ANKRD36C: variants seen among roughly 807,000 people sequenced by gnomAD.
The protein encoded by ANKRD36C is ankyrin repeat domain 36C.
ANKRD36C carries 61 observed loss-of-function variants against 276.4 expected under a neutral mutation model. The ratio of observed to expected loss-of-function variants is 0.22; its 90% CI spans 0.18 to 0.27. The LOEUF (loss-of-function observed/expected upper bound fraction) is 0.27, where lower values mean the gene tolerates loss of function less well. Ranked by LOEUF, ANKRD36C falls within the 10% of genes least tolerant of loss-of-function variation. The pLI is 1.00. For synonymous variants in ANKRD36C, 483 were observed against 680.1 expected (o/e 0.71, Z 4.51); for missense variants, 1,447 against 2,032.3 (o/e 0.71, Z 5.54).
At chr2:95,969,410 C>G (rs1345255887) in intron 6 of ANKRD36C, among the ~76,000 whole-genome samples, 2 of 152,126 alleles carry the variant, frequency 1.3e-5, no homozygotes, top group African/African-American at 2.4e-5. Flanking sequence ...CAACCATGGT[C>G]CATAAATAAA....
At chr2:95,875,347 G>A (rs1675918796) in intron 59 of ANKRD36C, among the ~76,000 whole-genome samples, 1 of 151,940 alleles carries the variant, frequency 6.6e-6, no homozygotes, top group Non-Finnish European at 1.5e-5. Flanking sequence ...ATACTATGCA[G>A]CCATAAAAAA....
intron 6 of ANKRD36C, among the ~76,000 whole-genome samples, chr2:95,971,066 C>T (rs1238249212): frequency 6.6e-6 from 1 of 152,054 alleles, no homozygotes; most frequent in Non-Finnish European, 1.5e-5. Context: ...ATTCAACTGT[C>T]TTGGAAATTA....
chr2:95,947,180 G>T (rs982031603), intron 17 of ANKRD36C, among the ~76,000 whole-genome samples: 1 of 151,930 alleles, frequency 6.6e-6, no homozygotes, highest in Non-Finnish European at 1.5e-5. Flanking sequence ...TAGAAAACAC[G>T]CTGTATCCAC....
chr2:95,968,937 G>A (rs1439419423), intron 6 of ANKRD36C, among the ~76,000 whole-genome samples: 3 of 152,102 alleles, frequency 2.0e-5, no homozygotes, highest in Non-Finnish European at 4.4e-5. Context: ...GCAAGATATG[G>A]GGGGAAAGTA....
chr2:95,855,386 A>G (rs534174202), exon 63 of ANKRD36C: 6 of 1,613,452 alleles, frequency 3.7e-6, no homozygotes, highest in Non-Finnish European at 5.1e-6. Context: ...ACTCAGCTTG[A>G]AGGTTTTCTA....
intron 6 of ANKRD36C, among the ~76,000 whole-genome samples, chr2:95,965,897 T>C (rs538499982): frequency 6.6e-6 from 1 of 152,134 alleles, no homozygotes; most frequent in African/African-American, 2.4e-5. Flanking sequence ...TATCTAGGAA[T>C]ATGCACATAT....
At chr2:95,975,061 C>T (rs1358837159) in intron 6 of ANKRD36C, among the ~76,000 whole-genome samples, 1 of 151,964 alleles carries the variant, frequency 6.6e-6, no homozygotes, top group South Asian at 2.1e-4. Flanking sequence ...CAGTGTTGGA[C>T]ATTTGGGTTG....
chr2:95,855,553 A>G, exon 63 of ANKRD36C: 2 of 1,611,200 alleles, frequency 1.2e-6, no homozygotes, highest in Admixed American at 1.7e-5. Context: ...ATTGTATTGT[A>G]TCCACTTTTG....
downstream of ANKRD36C, chr2:95,851,041 T>C: frequency 1.5e-6 from 1 of 671,688 alleles, no homozygotes; most frequent in Non-Finnish European, 2.7e-6. Flanking sequence ...ACTAGATGTG[T>C]GTAAGAAAAA....
In ANKRD36C at chr2:95,910,621, T is replaced by C. The variant is rs149564877; in HGVS notation, c.2653+1623A>G. The stretch of plus-strand genomic sequence containing the variant: ...CTCATATGTAAATATGACAAAGATA[T>C]CCATACATTCATGCAGCGTTAGCAT... On this transcript the variant is annotated intron_variant, in intron 42 of 66. Transcript: ENST00000456556. 5.4e-4 allele frequency: 868 copies of C among 1,600,652 alleles called. No individual in the cohort carries two copies. In the African/African-American group the frequency reaches 0.011, roughly 20 times the overall value.
At chr2:95,970,390 T>G (rs1419643002) in intron 6 of ANKRD36C, among the ~76,000 whole-genome samples, 1 of 152,180 alleles carries the variant, frequency 6.6e-6, no homozygotes, top group South Asian at 2.1e-4. Flanking sequence ...CCTTAAAAGC[T>G]TATCCAATCT....
chr2:95,878,846 C>T (rs1676011389), intron 58 of ANKRD36C, among the ~76,000 whole-genome samples: 1 of 152,056 alleles, frequency 6.6e-6, no homozygotes, highest in Non-Finnish European at 1.5e-5. Flanking sequence ...GCAGAACCCT[C>T]GTACACCATT....
At chr2:95,893,587 C>T (rs752119568) in intron 44 of ANKRD36C, 13 of 1,573,176 alleles carry the variant, frequency 8.3e-6, no homozygotes, top group Non-Finnish European at 1.1e-5. Flanking sequence ...AAAACAGAAT[C>T]TTCCTCGTCA....
At chr2:95,947,773 C>G (rs1186554947) in intron 17 of ANKRD36C, among the ~76,000 whole-genome samples, 2 of 152,064 alleles carry the variant, frequency 1.3e-5, no homozygotes, top group African/African-American at 2.4e-5. Context: ...ACAGTGTAAG[C>G]CCTCTCTACT....
intron 20 of ANKRD36C, among the ~76,000 whole-genome samples, chr2:95,939,602 G>T (rs1327349414): frequency 1.3e-5 from 2 of 151,874 alleles, no homozygotes; most frequent in African/African-American, 4.9e-5. Flanking sequence ...CTACTCAGGA[G>T]GCTGAGGCAG....
intron 28 of ANKRD36C, among the ~76,000 whole-genome samples, chr2:95,926,789 T>C (rs1677414064): frequency 6.6e-6 from 1 of 151,620 alleles, no homozygotes; most frequent in Admixed American, 6.6e-5. Flanking sequence ...AAGTCATTGC[T>C]ACATCAGTGG....
At chr2:95,857,843 G>C (rs141565751) in intron 61 of ANKRD36C, among the ~76,000 whole-genome samples, 1 of 144,870 alleles carries the variant, frequency 6.9e-6, no homozygotes, top group South Asian at 2.3e-4. Context: ...ATTCAGCTGA[G>C]ACCCAGGCAC....
intron 44 of ANKRD36C, among the ~76,000 whole-genome samples, chr2:95,892,101 C>T (rs1330656085): frequency 3.3e-5 from 5 of 151,576 alleles, no homozygotes; most frequent in East Asian, 2.0e-4. Context: ...ATGTCGAAAA[C>T]TAAAATAAAA....
chr2:95,965,203 A>G (rs1426661402), intron 6 of ANKRD36C, among the ~76,000 whole-genome samples: 4 of 152,000 alleles, frequency 2.6e-5, no homozygotes, highest in Non-Finnish European at 5.9e-5. Context: ...AGTTTTCAGA[A>G]GAGAAAAAAT....
Sources: allele counts gnomAD v4.1 joint callset (sites outside exome capture counted in the v4.1 genomes callset), GRCh38; gene constraint gnomAD v4.1.1; transcripts MANE v1.5; gene names NCBI Gene and HGNC (gene_info 2026-07-23, HGNC 2026-07-21).